Variants in DAB1 observed in about 807,000 individuals in gnomAD.
The protein encoded by DAB1 is disabled homolog 1.
Under a neutral mutation model 64.6 loss-of-function variants are expected in DAB1, and 15 were observed. The ratio of observed to expected loss-of-function variants is 0.23; its 90% confidence interval spans 0.16 to 0.36. The LOEUF is 0.36. Ranked by LOEUF, DAB1 falls within the 10% of genes least tolerant of loss-of-function variation. DAB1 has a pLI of 1.00. For synonymous variants in DAB1, 235 were observed against 251.9 expected, an observed-to-expected ratio of 0.93 and a Z score of 0.64; for missense variants, 596 against 706.7, an observed-to-expected ratio of 0.84 and a Z score of 1.78.
intron 7 of DAB1, among the ~76,000 whole-genome samples, chr1:57,533,545 A>ATATATG (rs1644690197): frequency 8.0e-5 from 1 of 12,518 alleles, no homozygotes; most frequent in African/African-American, 1.7e-4. Flanking sequence ...ACAGGTATAT[A>ATATATG]TATATATATA....
chr1:57,269,634 T>C (rs909843790), intron 2 of DAB1, among the ~76,000 whole-genome samples: 8 of 152,124 alleles, frequency 5.3e-5, no homozygotes, highest in African/African-American at 1.2e-4. Context: ...ATTTACGCCC[T>C]CCTCCACTCC....
intron 5 of DAB1, among the ~76,000 whole-genome samples, chr1:57,950,562 A>C (rs1339631581): frequency 6.6e-6 from 1 of 152,130 alleles, no homozygotes; most frequent in Non-Finnish European, 1.5e-5. Flanking sequence ...CACCCATCAA[A>C]TAGAGTCTTG....
intron 2 of DAB1, among the ~76,000 whole-genome samples, chr1:57,162,808 A>C (rs1347762662): frequency 6.6e-6 from 1 of 152,262 alleles, no homozygotes; most frequent in African/African-American, 2.4e-5. Context: ...TTTAGAGTAC[A>C]AAGGGGTATT....
chr1:58,479,912 T>C (rs1241177958), intron 3 of DAB1, among the ~76,000 whole-genome samples: 1 of 152,186 alleles, frequency 6.6e-6, no homozygotes, highest in Non-Finnish European at 1.5e-5. Flanking sequence ...AGGGCCCAGT[T>C]CATAGTAGAT....
intron 8 of DAB1, among the ~76,000 whole-genome samples, chr1:57,066,811 C>T (rs1304539618): frequency 3.9e-5 from 6 of 152,192 alleles, no homozygotes; most frequent in South Asian, 4.1e-4. Context: ...ATATTATCCC[C>T]ATTTCATAGC....
chr1:57,573,814 T>C (rs1645218975), intron 7 of DAB1, among the ~76,000 whole-genome samples: 1 of 152,192 alleles, frequency 6.6e-6, no homozygotes, highest in Non-Finnish European at 1.5e-5. Context: ...AACTTTGTTA[T>C]TTTTGGTTCC....
chr1:58,539,992 C>T lies in DAB1; in HGVS notation n.32+6711G>A, dbSNP rs115923917. 6.5e-3 allele frequency among the ~76,000 whole-genome samples: 997 copies of T among 152,216 alleles called. 9 individuals carry two copies. Among genetic ancestry groups the T allele is most frequent in the Middle Eastern group, 0.017 (5 of 294 alleles). On this transcript the variant is annotated intron_variant and non_coding_transcript_variant, in intron 1 of 20. Coordinates refer to the DAB1 transcript ENST00000485760. The stretch of plus-strand genomic sequence containing the variant: ...TCCCCCTCCCATATTCAGCTGAGTC[C>T]TGTCTGGGCATATGTGTAAGAAAAT...
intron 6 of DAB1, among the ~76,000 whole-genome samples, chr1:57,777,848 A>T (rs1649889632): frequency 6.6e-6 from 1 of 152,096 alleles, no homozygotes; most frequent in South Asian, 2.1e-4. Context: ...CAGGATGTTG[A>T]CCACTGTAAA....
chr1:57,393,714 C>G (rs1682579856), intron 1 of DAB1, among the ~76,000 whole-genome samples: 1 of 152,002 alleles, frequency 6.6e-6, no homozygotes, highest in African/African-American at 2.4e-5. Context: ...CACCGGTGGG[C>G]CAAATCTGGA....
chr1:57,471,485 C>T (rs1026818092), intron 7 of DAB1, among the ~76,000 whole-genome samples: 2 of 152,194 alleles, frequency 1.3e-5, no homozygotes, highest in African/African-American at 4.8e-5. Flanking sequence ...GCTGTGTCCC[C>T]ACCCAAATCT....
chr1:57,757,923 C>T (rs1648894303), intron 6 of DAB1, among the ~76,000 whole-genome samples: 1 of 152,052 alleles, frequency 6.6e-6, no homozygotes, highest in African/African-American at 2.4e-5. Context: ...CTCAATCGAT[C>T]CTTCTGCCTC....
intron 5 of DAB1, among the ~76,000 whole-genome samples, chr1:57,983,189 C>A (rs1334276498): frequency 6.6e-6 from 1 of 152,156 alleles, no homozygotes; most frequent in African/African-American, 2.4e-5. Flanking sequence ...TTATGACACC[C>A]AAGATGTACA....
chr1:57,049,062 G>A (rs532851581), intron 9 of DAB1, among the ~76,000 whole-genome samples: 1 of 152,188 alleles, frequency 6.6e-6, no homozygotes, highest in South Asian at 2.1e-4. Flanking sequence ...ATCATTCAGA[G>A]TGATAATGTG....
At chr1:57,147,297 G>A (rs546774220) in intron 2 of DAB1, among the ~76,000 whole-genome samples, 6 of 151,874 alleles carry the variant, frequency 4.0e-5, no homozygotes, top group African/African-American at 9.7e-5. Context: ...GATTATAGGC[G>A]TGAGTATCAC....
chr1:57,439,292 A>G (rs11207037), intron 7 of DAB1, among the ~76,000 whole-genome samples: 47,690 of 151,606 alleles, frequency 0.31, 8,130 homozygotes, highest in African/African-American at 0.45. Flanking sequence ...TCACCAAGTC[A>G]TTGCCTAAAG....
intron 6 of DAB1, among the ~76,000 whole-genome samples, chr1:57,813,899 A>G (rs994900943): frequency 6.6e-6 from 1 of 152,238 alleles, no homozygotes; most frequent in African/African-American, 2.4e-5. Flanking sequence ...TGAAAGGATC[A>G]GCACCCTCTT....
intron 5 of DAB1, among the ~76,000 whole-genome samples, chr1:58,116,547 T>G (rs1351640259): frequency 2.0e-5 from 3 of 152,194 alleles, no homozygotes; most frequent in Non-Finnish European, 4.4e-5. Context: ...ATGTTTGCCA[T>G]GTATCTTTTA....
In DAB1 at chr1:57,210,632, C is replaced by T. The variant is rs139063617; in HGVS notation, c.68-65203G>A. On this transcript the variant is annotated intron_variant, in intron 2 of 14. Coordinates refer to ENST00000371236, the MANE Select transcript of DAB1 (RefSeq NM_001365792.1). The stretch of plus-strand genomic sequence containing the variant: ...TTGAGGAACACTACAAAAAATGTAC[C>T]TAAACACACACACACAGATAAAAGT... Among the ~76,000 whole-genome samples the T allele has an allele frequency of 4.9e-3, 747 of 152,130 alleles. 9 individuals carry two copies. The highest frequency in any genetic ancestry group is 0.017 in the African/African-American group (717 of 41,488).
intron 5 of DAB1, among the ~76,000 whole-genome samples, chr1:58,125,844 G>C (rs1653037499): frequency 6.6e-6 from 1 of 152,128 alleles, no homozygotes; most frequent in Non-Finnish European, 1.5e-5. Context: ...TACCAGAAAG[G>C]TAAAGAAATA....
Sources: allele counts gnomAD v4.1 joint callset (sites outside exome capture counted in the v4.1 genomes callset), GRCh38; gene constraint gnomAD v4.1.1; transcripts MANE v1.5; gene names NCBI Gene and HGNC (gene_info 2026-07-23, HGNC 2026-07-21).